The following FAM107B variants were observed in gnomAD, a reference collection of about 807,000 sequenced individuals.
The protein encoded by FAM107B is family with sequence similarity 107 member B.
A neutral mutation model predicts 31.5 loss-of-function variants in FAM107B; 21 were observed. The ratio of observed to expected loss-of-function variants is 0.67; its 90% CI spans 0.47 to 0.96. The LOEUF (loss-of-function observed/expected upper bound fraction) is 0.96, where lower values mean the gene tolerates loss of function less well. Ranked by LOEUF, FAM107B falls within the 40% of genes least tolerant of loss-of-function variation. FAM107B has a pLI of 0.00. For missense variants in FAM107B, 452 were observed against 377.1 expected (o/e 1.20, Z -1.64); for synonymous variants, 157 against 141.5 (o/e 1.11, Z -0.78).
intron 1 of FAM107B, among the ~76,000 whole-genome samples, chr10:14,746,926 C>A (rs1390665890): frequency 6.6e-6 from 1 of 152,116 alleles, no homozygotes; most frequent in East Asian, 1.9e-4. Context: ...TTTCAAGTAC[C>A]CCAGTCAGTC....
At chr10:14,559,099 C>CAAAAAAA (rs745765049) in intron 2 of FAM107B, among the ~76,000 whole-genome samples, 1 of 88,200 alleles carries the variant, frequency 1.1e-5, no homozygotes, top group Non-Finnish European at 2.2e-5. Flanking sequence ...TGTGGAACTT[C>CAAAAAAA]AAAAAAAAAA....
chr10:14,718,523 G>A (rs1186543921), intron 1 of FAM107B, among the ~76,000 whole-genome samples: 3 of 149,592 alleles, frequency 2.0e-5, no homozygotes, highest in East Asian at 2.0e-4. Context: ...GGAGGGAAAC[G>A]AAGGAAGGAC....
intron 2 of FAM107B, among the ~76,000 whole-genome samples, chr10:14,595,569 G>A (rs1852162791): frequency 6.6e-6 from 1 of 151,908 alleles, no homozygotes; most frequent in Non-Finnish European, 1.5e-5. Flanking sequence ...GGGACCACAG[G>A]CGTGCACCAC....
intron 2 of FAM107B, among the ~76,000 whole-genome samples, chr10:14,638,983 G>A (rs1232913606): frequency 6.6e-6 from 1 of 151,976 alleles, no homozygotes; most frequent in African/African-American, 2.4e-5. Context: ...TTGAGTCCAG[G>A]ATTTCGAGAC....
At chr10:14,529,970 T>G (rs917065418) in intron 3 of FAM107B, 1 of 188,340 alleles carries the variant, frequency 5.3e-6, no homozygotes, top group African/African-American at 2.4e-5. Context: ...CCTTCCCCAG[T>G]GTAAGGAGAA....
chr10:14,723,384 C>T, intron 1 of FAM107B: 1 of 549,722 alleles, frequency 1.8e-6, no homozygotes, highest in Non-Finnish European at 3.6e-6. Context: ...TGAAATTCCT[C>T]CTTGGTCACA....
intron 2 of FAM107B, among the ~76,000 whole-genome samples, chr10:14,624,551 G>T (rs1450836618): frequency 6.6e-6 from 1 of 152,024 alleles, no homozygotes; most frequent in Non-Finnish European, 1.5e-5. Context: ...CAGGAGAATT[G>T]CTTGAACCCA....
At chr10:14,718,364 A>T (rs1169757635) in intron 1 of FAM107B, among the ~76,000 whole-genome samples, 1 of 149,154 alleles carries the variant, frequency 6.7e-6, no homozygotes, top group African/African-American at 2.5e-5. Flanking sequence ...GAAGGGAGGG[A>T]GGGAAAGAAA....
At chr10:14,635,135 AAGGG>A (rs369224420) in intron 2 of FAM107B, among the ~76,000 whole-genome samples, 22 of 137,530 alleles carry the variant, frequency 1.6e-4, no homozygotes, top group East Asian at 7.3e-4. Flanking sequence ...GAAAGGAAGG[AAGGG>A]AGGGAGGGAG....
At chr10:14,767,049 TATATATAGAG>T (rs1272065899) in intron 1 of FAM107B, among the ~76,000 whole-genome samples, 22 of 36,044 alleles carry the variant, frequency 6.1e-4, no homozygotes, top group African/African-American at 1.8e-3. Flanking sequence ...TATATATATA[TATATATAGAG>T]AGAGAGAGAG....
chr10:14,721,847 T>C (rs1855919434), intron 1 of FAM107B, among the ~76,000 whole-genome samples: 1 of 152,234 alleles, frequency 6.6e-6, no homozygotes, highest in African/African-American at 2.4e-5. Context: ...CTCTTTAGTT[T>C]AATTAGATCC....
At position 14,547,389 on chromosome 10, in the gene FAM107B, C is replaced by T. The variant is rs776002172; in HGVS notation, c.470-16874G>A. ...TTCTATCATTTTGTAAGTTTTTCAT[C>T]TCAAATCTCCGTATATTGGCCAAAT... On this transcript the variant is annotated intron_variant, in intron 2 of 4. Transcript: ENST00000181796. 3.3e-5 allele frequency among the ~76,000 whole-genome samples: 5 copies of T among 152,126 alleles called. No individual in the cohort carries two copies. The East Asian group carries it at 9.6e-4, about 29-fold the overall frequency.
chr10:14,698,630 T>G (rs774669020), intron 1 of FAM107B, among the ~76,000 whole-genome samples: 3 of 152,220 alleles, frequency 2.0e-5, no homozygotes, highest in Non-Finnish European at 4.4e-5. Context: ...ACACGTGAGT[T>G]GACCAAGGTC....
At chr10:14,629,371 T>G (rs1487480216) in intron 2 of FAM107B, among the ~76,000 whole-genome samples, 1 of 70,568 alleles carries the variant, frequency 1.4e-5, no homozygotes, top group Admixed American at 2.3e-4. Context: ...TATTATATAT[T>G]TAATATATAT....
chr10:14,752,532 C>G (rs1397903339), intron 1 of FAM107B, among the ~76,000 whole-genome samples: 1 of 152,190 alleles, frequency 6.6e-6, no homozygotes, highest in African/African-American at 2.4e-5. Flanking sequence ...CGCAAACTGT[C>G]AATCCTGATG....
At chr10:14,638,856 G>A (rs1013478871) in intron 2 of FAM107B, among the ~76,000 whole-genome samples, 8 of 151,956 alleles carry the variant, frequency 5.3e-5, no homozygotes, top group African/African-American at 1.9e-4. Context: ...AACTTTCTCA[G>A]GTGGTTACTT....
intron 1 of FAM107B, among the ~76,000 whole-genome samples, chr10:14,692,472 A>G (rs1004714511): frequency 6.6e-6 from 1 of 152,182 alleles, no homozygotes; most frequent in African/African-American, 2.4e-5. Flanking sequence ...GAGGGTTTTT[A>G]TCAGTGGCAA....
chr10:14,744,032 G>T (rs1217152358), intron 1 of FAM107B, among the ~76,000 whole-genome samples: 1 of 152,112 alleles, frequency 6.6e-6, no homozygotes, highest in African/African-American at 2.4e-5. Flanking sequence ...ATTTCTTTGG[G>T]CAGTGGTTTG....
At chr10:14,675,230 C>A (rs1475272792) in intron 1 of FAM107B, among the ~76,000 whole-genome samples, 2 of 152,152 alleles carry the variant, frequency 1.3e-5, no homozygotes, top group South Asian at 2.1e-4. Context: ...TGGGAATAAG[C>A]TGGGCGTTGG....
Sources: gnomAD v4.1 joint callset for allele counts (sites outside exome capture counted in the v4.1 genomes callset) on GRCh38, gnomAD v4.1.1 for gene constraint, MANE v1.5 for transcripts, NCBI Gene and HGNC (gene_info 2026-07-23, HGNC 2026-07-21) for gene names.